Variants in FANCC observed in about 807,000 individuals in gnomAD.
FANCC encodes Fanconi anemia group C protein.
In FANCC, 55 loss-of-function variants were observed where a neutral mutation model predicts 71.3. The observed-to-expected ratio is 0.77, with a 90% CI of 0.62 to 0.97. FANCC has a LOEUF of 0.97. Ranked by LOEUF, FANCC falls within the 50% of genes least tolerant of loss-of-function variation. The probability of loss-of-function intolerance (pLI) is 0.00; values close to 1 mark genes in which losing one functional copy is unlikely to be tolerated. For missense variants in FANCC, 678 were observed against 670.9 expected (o/e 1.01, Z -0.12); for synonymous variants, 275 against 244.9 (o/e 1.12, Z -1.15).
At chr9:95,127,156 A>C (rs954337962) in intron 8 of FANCC, 2 of 154,116 alleles carry the variant, frequency 1.3e-5, no homozygotes, top group South Asian at 4.0e-4. Context: ...AAAGTTATCT[A>C]ATTTCTCCTT....
chr9:95,171,109 T>A lies in FANCC; in HGVS notation c.491A>T (p.Asn164Ile), dbSNP rs950623649. The A allele has an allele frequency of 6.2e-7, 1 of 1,613,620 alleles. No homozygotes were observed. The highest frequency in any genetic ancestry group is 1.1e-5 in the South Asian group (1 of 91,070). Residue 164 changes from asparagine to isoleucine, a missense_variant, in exon 6 of 15, where the codon AAT becomes ATT. Physicochemically the swap from Asn to Ile is moderately radical, Grantham distance 149 (BLOSUM62 -3). Coordinates refer to ENST00000289081, the MANE Select transcript of FANCC (RefSeq NM_000136.3). ...TTGAGTGTTAAATCCATTAAGATGA[T>A]TCTCTCTGAGTTCAGACGCTAATGA... ...VLSLASELRE[N>I]HLNGFNTQRR...
intron 10 of FANCC, among the ~76,000 whole-genome samples, chr9:95,121,595 C>T (rs895645454): frequency 1.3e-5 from 2 of 152,192 alleles, no homozygotes; most frequent in African/African-American, 4.8e-5. Context: ...CAAGTGCCTA[C>T]CAGCAGGAGG....
intron 1 of FANCC, among the ~76,000 whole-genome samples, chr9:95,309,216 TA>T (rs534122187): frequency 9.2e-5 from 14 of 152,316 alleles, no homozygotes; most frequent in African/African-American, 3.4e-4. Flanking sequence ...GTGTAATGAC[TA>T]AAAATTCTAA....
At chr9:95,278,940 C>T (rs1179202456) in intron 1 of FANCC, among the ~76,000 whole-genome samples, 1 of 152,036 alleles carries the variant, frequency 6.6e-6, no homozygotes, top group Non-Finnish European at 1.5e-5. Flanking sequence ...AATCCCAGCA[C>T]TTTGAGAGGC....
intron 3 of FANCC, among the ~76,000 whole-genome samples, chr9:95,246,652 A>G (rs1022856121): frequency 3.9e-5 from 6 of 152,184 alleles, no homozygotes; most frequent in Non-Finnish European, 1.5e-5. Flanking sequence ...TCAGACAGTG[A>G]AGTAAGTGTA....
intron 1 of FANCC, among the ~76,000 whole-genome samples, chr9:95,280,512 C>T (rs1242497849): frequency 6.6e-6 from 1 of 152,084 alleles, no homozygotes. Context: ...AGATCATATG[C>T]TAGGTCATAA....
chr9:95,173,584 A>C (rs1248462531), intron 4 of FANCC, among the ~76,000 whole-genome samples: 1 of 152,206 alleles, frequency 6.6e-6, no homozygotes, highest in Non-Finnish European at 1.5e-5. Flanking sequence ...GAGAATGATT[A>C]ATATGCTTAT....
chr9:95,308,241 A>C (rs771369942), intron 1 of FANCC, among the ~76,000 whole-genome samples: 4 of 151,856 alleles, frequency 2.6e-5, no homozygotes, highest in Non-Finnish European at 5.9e-5. Flanking sequence ...TCTTAGGCTT[A>C]ATTTTTTTTT....
chr9:95,300,271 G>A (rs1227656869), intron 1 of FANCC, among the ~76,000 whole-genome samples: 1 of 152,014 alleles, frequency 6.6e-6, no homozygotes, highest in African/African-American at 2.4e-5. Context: ...ATTAAGAAAA[G>A]GGAAGAAGTC....
At chr9:95,293,029 ACT>A (rs1834150451) in intron 1 of FANCC, 10 of 1,591,188 alleles carry the variant, frequency 6.3e-6, no homozygotes, top group Middle Eastern at 1.7e-4. Flanking sequence ...AAAATGGAAA[ACT>A]GTGCAAAACC....
At chr9:95,243,748 C>T (rs563125378) in intron 3 of FANCC, among the ~76,000 whole-genome samples, 2 of 152,212 alleles carry the variant, frequency 1.3e-5, no homozygotes, top group South Asian at 2.1e-4. Context: ...GAGCCGAGAT[C>T]GCACCACTGC....
intron 1 of FANCC, among the ~76,000 whole-genome samples, chr9:95,282,535 A>G (rs1230994373): frequency 6.6e-6 from 1 of 152,192 alleles, no homozygotes; most frequent in African/African-American, 2.4e-5. Context: ...ATTTAGACAG[A>G]AAGTCAACAA....
intron 1 of FANCC, chr9:95,292,696 GAA>G (rs1160407430): frequency 6.8e-6 from 9 of 1,323,496 alleles, no homozygotes; most frequent in Non-Finnish European, 9.8e-6. Context: ...CCAATAATAA[GAA>G]AAGATTTGAA....
chr9:95,255,245 G>A (rs114979057), intron 1 of FANCC, among the ~76,000 whole-genome samples: 256 of 152,188 alleles, frequency 1.7e-3, no homozygotes, highest in African/African-American at 5.6e-3. Context: ...TCCCTGACCC[G>A]CATGCCTCCT....
chr9:95,258,279 G>A (rs1382597261), intron 1 of FANCC, among the ~76,000 whole-genome samples: 1 of 152,058 alleles, frequency 6.6e-6, no homozygotes, highest in African/African-American at 2.4e-5. Flanking sequence ...ACATCAATGC[G>A]AAAATCCTCA....
chr9:95,152,411 T>C (rs1463379853), intron 6 of FANCC, among the ~76,000 whole-genome samples: 1 of 152,178 alleles, frequency 6.6e-6, no homozygotes, highest in Non-Finnish European at 1.5e-5. Context: ...CAAGCACGTA[T>C]ATATCTGGGA....
intron 6 of FANCC, among the ~76,000 whole-genome samples, chr9:95,169,372 T>A (rs933198828): frequency 1.8e-4 from 27 of 152,346 alleles, no homozygotes; most frequent in African/African-American, 6.3e-4. Context: ...GCAATCAGGT[T>A]TGGTACTATC....
At chr9:95,313,060 CACT>C (rs1233041680) in intron 1 of FANCC, among the ~76,000 whole-genome samples, 2 of 152,148 alleles carry the variant, frequency 1.3e-5, no homozygotes, top group Non-Finnish European at 2.9e-5. Context: ...GATCACAGCG[CACT>C]ACAAGAGCCT....
At chr9:95,129,692 T>C (rs2135048646) in intron 8 of FANCC, among the ~76,000 whole-genome samples, 2 of 152,350 alleles carry the variant, frequency 1.3e-5, no homozygotes, top group African/African-American at 4.8e-5. Flanking sequence ...GGCCTAACAA[T>C]TTCCACAGGC....
Sources: allele counts gnomAD v4.1 joint callset (sites outside exome capture counted in the v4.1 genomes callset), GRCh38; gene constraint gnomAD v4.1.1; transcripts MANE v1.5; gene names NCBI Gene and HGNC (gene_info 2026-07-23, HGNC 2026-07-21).